The following MLPH variants were observed in gnomAD, a reference collection of about 807,000 sequenced individuals.
MLPH encodes exophilin-3.
Under a neutral mutation model 72.1 loss-of-function variants are expected in MLPH, and 51 were observed. The ratio of observed to expected loss-of-function variants is 0.71; its 90% confidence interval spans 0.56 to 0.89. The LOEUF (loss-of-function observed/expected upper bound fraction) is 0.89. MLPH is among the 40% of genes least tolerant of loss of function. The pLI is 0.00. For missense variants in MLPH, 743 were observed against 759.9 expected (o/e 0.98, Z 0.26); for synonymous variants, 301 against 310.1 (o/e 0.97, Z 0.31).
chr2:237,526,442 C>T (rs1407082972), intron 7 of MLPH, among the ~76,000 whole-genome samples: 4 of 152,050 alleles, frequency 2.6e-5, no homozygotes, highest in Non-Finnish European at 4.4e-5. Flanking sequence ...CTTCCCTCTT[C>T]GTTGTATTGA....
intron 8 of MLPH, among the ~76,000 whole-genome samples, chr2:237,533,264 G>T (rs953013190): frequency 2.0e-5 from 3 of 152,144 alleles, no homozygotes; most frequent in African/African-American, 7.2e-5. Context: ...CAGTTCCCAG[G>T]TGGAGTTTTG....
At chr2:237,517,172 G>T (rs1432629243) in intron 4 of MLPH, among the ~76,000 whole-genome samples, 2 of 151,384 alleles carry the variant, frequency 1.3e-5, no homozygotes, top group African/African-American at 4.9e-5. Context: ...TAGGCAGCTG[G>T]GTAGATGTAT....
chr2:237,518,644 G>A lies in MLPH; in HGVS notation c.551G>A (p.Ser184Asn), dbSNP rs543497385. 11 of 1,611,718 alleles carry A rather than the reference G, an allele frequency of 6.8e-6. No homozygotes were observed. Among genetic ancestry groups the A allele is most frequent in the Admixed American group, 1.7e-5 (1 of 59,852 alleles). Residue 184 changes from serine to asparagine, a missense_variant, in exon 5 of 16, where the codon AGC (serine) becomes AAC (asparagine). Coordinates refer to ENST00000264605, the MANE Select transcript of MLPH (RefSeq NM_024101.7). ...EAQAQAQPFG[S>N]KKKRLLSVHD... ...CAGGCCCAGGCCCAGCCCTTTGGCA[G>A]CAAAGTAAGTCATCTCCAGCCACCC...
intron 2 of MLPH, among the ~76,000 whole-genome samples, chr2:237,497,814 C>T (rs190525975): frequency 2.6e-5 from 4 of 152,346 alleles, no homozygotes; most frequent in East Asian, 1.9e-4. Flanking sequence ...TTCTCTGTAG[C>T]GTCTCTCTGG....
rs1574866807 is a variant in MLPH, at chr2:237,521,807, CGGAGCAGGGCTG to C, written c.675+1779_675+1790del. Among the ~76,000 whole-genome samples the C allele has an allele frequency of 9.5e-5, 11 of 116,378 alleles. 1 individual carries two copies. Among genetic ancestry groups the C allele is most frequent in the African/African-American group, 4.6e-4 (8 of 17,294 alleles). The allele number at this position is 116,378 out of a possible 152,430, so 76.3% of individuals were successfully genotyped here. A position where few individuals can be genotyped will look rare whatever the true frequency, so the allele number is the denominator to read the frequency against. ...ACCTGCTATGACTATAGTGCTGGAGCGGAGCAGGGCTGAGACTGGGGTTGGGCCTTCAAACAC... is the reference window on the plus strand; with the variant it reads ...ACCTGCTATGACTATAGTGCTGGAGCAGACTGGGGTTGGGCCTTCAAACAC... On this transcript the variant is annotated intron_variant, in intron 6 of 15. Transcript: ENST00000264605.
At chr2:237,527,588 A>C (rs564485616) in intron 8 of MLPH, 72 bp downstream of exon 8, 3 of 1,589,626 alleles carry the variant, frequency 1.9e-6, no homozygotes, top group Non-Finnish European at 2.6e-6. Flanking sequence ...ACACCAAGTC[A>C]CTTTAGAGAA....
At chr2:237,551,114 G>A (rs1282013361) in intron 14 of MLPH, among the ~76,000 whole-genome samples, 1 of 152,188 alleles carries the variant, frequency 6.6e-6, no homozygotes, top group African/African-American at 2.4e-5. Flanking sequence ...ACTGTCTGCA[G>A]AGGCCAGCCC....
chr2:237,507,036 G>GT (rs1281374619), intron 2 of MLPH, among the ~76,000 whole-genome samples: 2 of 129,970 alleles, frequency 1.5e-5, no homozygotes, highest in Non-Finnish European at 3.4e-5. Flanking sequence ...GGAGTTGGTA[G>GT]TTTTTTTCCT....
chr2:237,488,145 C>G (rs142187143), intron 1 of MLPH, among the ~76,000 whole-genome samples: 67 of 152,312 alleles, frequency 4.4e-4, no homozygotes, highest in African/African-American at 1.6e-3. Context: ...CACTTCCACA[C>G]GGAACTTGGG....
intron 4 of MLPH, chr2:237,518,321 G>A (rs1164999781): frequency 1.6e-6 from 1 of 638,314 alleles, no homozygotes; most frequent in Non-Finnish European, 2.9e-6. Flanking sequence ...GTGGGTAGGT[G>A]AATAGATGAA....
intron 2 of MLPH, among the ~76,000 whole-genome samples, chr2:237,502,846 C>T (rs2079680573): frequency 6.6e-6 from 1 of 152,194 alleles, no homozygotes; most frequent in Non-Finnish European, 1.5e-5. Context: ...TGACCAGGCT[C>T]GGTGACTGAT....
chr2:237,491,434 A>G (rs2079426402), intron 1 of MLPH, among the ~76,000 whole-genome samples: 1 of 152,246 alleles, frequency 6.6e-6, no homozygotes, highest in African/African-American at 2.4e-5. Context: ...TAGCTGCAGC[A>G]TCTGAGGGCC....
Position 237,500,228 on chromosome 2 carries a change from T to C in MLPH, c.110+6692T>C, listed in dbSNP as rs182799854. Among the ~76,000 whole-genome samples the C allele has an allele frequency of 6.6e-5, 10 of 152,316 alleles. No homozygotes were observed. In the East Asian group the frequency reaches 1.9e-3, roughly 29 times the overall value. On this transcript the variant is annotated intron_variant, in intron 2 of 15. Transcript: ENST00000264605. The stretch of plus-strand genomic sequence containing the variant: ...TTCCCTTTCGCAGGGTCGAGGGCCC[T>C]GGCCTCAACTCTCTTCTCTGCTCTG...
At chr2:237,488,116 G>A (rs148653435) in intron 1 of MLPH, among the ~76,000 whole-genome samples, 14 of 152,220 alleles carry the variant, frequency 9.2e-5, no homozygotes, top group Middle Eastern at 3.4e-3. Context: ...GACATTAACT[G>A]GCACTGGAAA....
At chr2:237,488,850 C>T (rs1017723171) in intron 1 of MLPH, among the ~76,000 whole-genome samples, 1 of 152,180 alleles carries the variant, frequency 6.6e-6, no homozygotes, top group East Asian at 1.9e-4. Context: ...AATGCAATAA[C>T]GGCTCAAATA....
At chr2:237,552,515 C>G in intron 15 of MLPH, 78 bp downstream of exon 15, 1 of 1,221,528 alleles carries the variant, frequency 8.2e-7, no homozygotes, top group Admixed American at 1.9e-5. Flanking sequence ...ATTAAGTCTT[C>G]AGAGCAAAGA....
rs547267914 is a variant in MLPH, at chr2:237,513,446, C to G, written c.445+2345C>G. On this transcript the variant is annotated intron_variant, in intron 4 of 15. Coordinates refer to ENST00000264605, the MANE Select transcript of MLPH (RefSeq NM_024101.7). Reference sequence around the variant, plus strand: ...TGACAGTGCAGACCTCGCCTGACGTCAACACTAGGTTCTTTATGCTCATGT... The same window carrying G: ...TGACAGTGCAGACCTCGCCTGACGTGAACACTAGGTTCTTTATGCTCATGT... 8.8e-4 allele frequency among the ~76,000 whole-genome samples: 134 copies of G among 152,348 alleles called. 5 individuals carry two copies. The South Asian group carries it at 0.027, about 31-fold the overall frequency.
At chr2:237,495,661 C>A (rs1271632431) in intron 2 of MLPH, among the ~76,000 whole-genome samples, 1 of 152,188 alleles carries the variant, frequency 6.6e-6, no homozygotes, top group Non-Finnish European at 1.5e-5. Context: ...GCCTCCCCAC[C>A]GTGTGATCCC....
At position 237,493,046 on chromosome 2, in the gene MLPH, C is replaced by A. The variant is rs190446384; in HGVS notation, c.-24-357C>A. On this transcript the variant is annotated intron_variant, in intron 1 of 15. Coordinates refer to ENST00000264605, the MANE Select transcript of MLPH (RefSeq NM_024101.7). The stretch of plus-strand genomic sequence containing the variant: ...AGCCTCAGGAATGGCGCATTTCTCC[C>A]AGGGTTTTCCATTGCAAAGCCCAAC... Among the ~76,000 whole-genome samples the A allele has an allele frequency of 2.6e-3, 391 of 152,306 alleles. 3 individuals are homozygous for A. The highest frequency in any genetic ancestry group is 3.8e-3 in the Non-Finnish European group (259 of 68,016).
Sources: allele counts gnomAD v4.1 joint callset (sites outside exome capture counted in the v4.1 genomes callset), GRCh38; gene constraint gnomAD v4.1.1; transcripts MANE v1.5; gene names NCBI Gene and HGNC (gene_info 2026-07-23, HGNC 2026-07-21).